Variants in SLC1A4 observed in about 807,000 individuals in gnomAD.
SLC1A4 encodes the protein solute carrier family 1 member 4.
Under a neutral mutation model 37.7 loss-of-function variants are expected in SLC1A4, and 19 were observed. The observed-to-expected ratio is 0.50, with a 90% CI of 0.35 to 0.74. The LOEUF (loss-of-function observed/expected upper bound fraction) is 0.74, where lower values mean the gene tolerates loss of function less well. SLC1A4 is among the 30% of genes least tolerant of loss of function. SLC1A4 has a pLI of 0.01. For synonymous variants in SLC1A4, 299 were observed against 309.8 expected (o/e 0.97, Z 0.37); for missense variants, 570 against 712.9 (o/e 0.80, Z 2.28).
chr2:65,013,272 C>T (rs1158517171), intron 4 of SLC1A4, among the ~76,000 whole-genome samples: 3 of 152,204 alleles, frequency 2.0e-5, no homozygotes, highest in Non-Finnish European at 4.4e-5. Context: ...GCCCAGGCTG[C>T]AGTGCAGTGG....
rs1043900174 is a variant in SLC1A4 at position 65,018,015 on chromosome 2, T to C, written c.1035-56T>C. The C allele has an allele frequency of 3.4e-6, 5 of 1,486,084 alleles. No individual in the cohort carries two copies. Among genetic ancestry groups the C allele is most frequent in the Non-Finnish European group, 4.7e-6 (5 of 1,074,650 alleles). 92.1% of individuals were successfully genotyped at this position (1,486,084 alleles called of 1,614,324 possible). A position where few individuals can be genotyped will look rare whatever the true frequency, so the allele number is the denominator to read the frequency against. ...GTTCTGGGGTCTGAGACAAGACACA[T>C]GTTAGCCTGCCTCGGACTGTTGTCA... On this transcript the variant is annotated intron_variant, in intron 5 of 7. Coordinates refer to ENST00000234256, the MANE Select transcript of SLC1A4 (RefSeq NM_003038.5). The surrounding 1 kb of genome is among the most constrained non-coding windows in gnomAD (Gnocchi z 4.3).
chr2:65,006,388 AGGCT>A (rs1673671953), intron 3 of SLC1A4, among the ~76,000 whole-genome samples: 1 of 152,168 alleles, frequency 6.6e-6, no homozygotes, highest in Non-Finnish European at 1.5e-5. Flanking sequence ...GCTACTTGGG[AGGCT>A]GAGGCAGGAG....
Position 64,989,974 on chromosome 2 carries a change from G to C in SLC1A4, c.331G>C (p.Gly111Arg). 6.3e-7 allele frequency: 1 copy of C among 1,582,436 alleles called. No individual in the cohort carries two copies. The highest frequency in any genetic ancestry group is 8.6e-7 in the Non-Finnish European group (1 of 1,164,234). The change falls in exon 1 of 8, where the codon GGG becomes CGG. Residue 111 changes from glycine (G) to arginine (R), a missense_variant. By Grantham distance (125) the Gly-to-Arg change is moderately radical (BLOSUM62 -2). Transcript: ENST00000234256. ...GAASLDASCL[G>R]RLGGIAVAYF... is the part of the protein sequence containing the mutation. ...CGCCTCGCTCGATGCCAGCTGCCTCGGGCGTCTGGGCGGCATCGCTGTCGC... is the reference window on the plus strand; with the variant it reads ...CGCCTCGCTCGATGCCAGCTGCCTCCGGCGTCTGGGCGGCATCGCTGTCGC...
At chr2:65,014,851 G>T (rs1399165660) in intron 4 of SLC1A4, among the ~76,000 whole-genome samples, 1 of 152,318 alleles carries the variant, frequency 6.6e-6, no homozygotes, top group East Asian at 1.9e-4. Context: ...CCACCAACAG[G>T]ACGATGACAA....
intron 1 of SLC1A4, among the ~76,000 whole-genome samples, chr2:64,998,315 G>A (rs1558515662): frequency 6.6e-6 from 1 of 151,796 alleles, no homozygotes; most frequent in Non-Finnish European, 1.5e-5. Flanking sequence ...CAACTATTCG[G>A]GAAGCTGAGG....
chr2:64,990,537 C>G (rs1168107221), intron 1 of SLC1A4, among the ~76,000 whole-genome samples: 1 of 152,214 alleles, frequency 6.6e-6, no homozygotes, highest in Non-Finnish European at 1.5e-5. Context: ...AGTGGCTTCG[C>G]CTCATTTTCT....
intron 3 of SLC1A4, among the ~76,000 whole-genome samples, chr2:65,009,698 T>C (rs1053694851): frequency 1.3e-5 from 2 of 152,234 alleles, no homozygotes; most frequent in African/African-American, 4.8e-5. Flanking sequence ...AAAATGTTTG[T>C]CTAATATATG....
At position 65,016,586 on chromosome 2, in the gene SLC1A4, T is replaced by C. The variant is rs766230846; in HGVS notation, c.947T>C (p.Ile316Thr). The change falls in exon 5 of 8, where the codon ATT becomes ACT. Residue 316 changes from isoleucine (I) to threonine (T), a missense_variant. Ile to Thr is a moderately conservative substitution (Grantham distance 89). Transcript: ENST00000234256. ...VIHGGIVLPL[I>T]YFVFTRKNPF... ...CATGGAGGAATTGTTCTGCCACTTA[T>C]TTATTTTGTTTTCACACGAAAAAAC... The C allele has an allele frequency of 6.2e-7, 1 of 1,614,222 alleles. No individual in the cohort carries two copies. The highest frequency in any genetic ancestry group is 8.5e-7 in the Non-Finnish European group (1 of 1,180,028).
Position 65,021,114 on chromosome 2 carries a change from C to G in SLC1A4, c.1567C>G (p.Pro523Ala). 1 of 1,614,176 alleles carries G rather than the reference C, an allele frequency of 6.2e-7. No homozygotes were observed. The highest frequency in any genetic ancestry group is 8.5e-7 in the Non-Finnish European group (1 of 1,179,988). The change falls in exon 8 of 8, where the codon CCA becomes GCA. Residue 523 changes from proline to alanine, a missense_variant. By Grantham distance (27) the Pro-to-Ala change is conservative. Transcript: ENST00000234256. Reference protein sequence around the residue: ...QNPAGPVASAPELESKESVL With the variant: ...QNPAGPVASAAELESKESVL ...CCCCGCTGGCCCCGTGGCCAGTGCC[C>G]CAGAACTGGAATCCAAGGAGTCGGT...
intron 5 of SLC1A4, among the ~76,000 whole-genome samples, chr2:65,017,540 C>G (rs190610125): frequency 6.6e-6 from 1 of 151,410 alleles, no homozygotes; most frequent in Admixed American, 6.6e-5. Flanking sequence ...CTGGCCTAGA[C>G]AAAAACCTGT....
intron 1 of SLC1A4, among the ~76,000 whole-genome samples, chr2:64,997,422 A>G (rs1673297590): frequency 6.6e-6 from 1 of 152,208 alleles, no homozygotes; most frequent in African/African-American, 2.4e-5. Context: ...CACCACCACA[A>G]TCAAGATACT....
chr2:65,022,554 G>A lies in SLC1A4; in HGVS notation c.*1408G>A, dbSNP rs903423331. On this transcript the variant is annotated 3_prime_UTR_variant, in exon 8 of 8. Transcript: ENST00000234256. ...AACCCAGTATGTTCTTCTTTTTTATGTAAGGGACAGCTTTCTCCACAGAGT... is the reference window on the plus strand; with the variant it reads ...AACCCAGTATGTTCTTCTTTTTTATATAAGGGACAGCTTTCTCCACAGAGT... The A allele has an allele frequency of 1.3e-5, 2 of 152,174 alleles. No homozygotes were observed. The highest frequency in any genetic ancestry group is 2.9e-5 in the Non-Finnish European group (2 of 68,048). The allele number at this position is 152,174 out of a possible 1,614,324, so 9.4% of individuals were successfully genotyped here. A position where few individuals can be genotyped will look rare whatever the true frequency, so the allele number is the denominator to read the frequency against.
chr2:65,021,244 A>C lies in SLC1A4; in HGVS notation c.*98A>C. 1 of 949,060 alleles carries C rather than the reference A, an allele frequency of 1.1e-6. No individual in the cohort carries two copies. Among genetic ancestry groups the C allele is most frequent in the East Asian group, 2.6e-5 (1 of 38,740 alleles). The allele number at this position is 949,060 out of a possible 1,614,324, so 58.8% of individuals were successfully genotyped here. On this transcript the variant is annotated 3_prime_UTR_variant, in exon 8 of 8. Transcript: ENST00000234256. The stretch of plus-strand genomic sequence containing the variant: ...CAGGGCACTGCCCTTGCCAACTTTT[A>C]CCCTCCCAAGCAATGCTTTGGCCCA...
upstream of SLC1A4, chr2:64,989,380 C>T (rs1315441972): frequency 2.4e-5 from 8 of 339,664 alleles, no homozygotes; most frequent in East Asian, 2.7e-4. Context: ...CGTCCGCGTT[C>T]GCGGCTCCCG....
chr2:65,012,238 C>T (rs763859258), intron 4 of SLC1A4, among the ~76,000 whole-genome samples: 7 of 151,432 alleles, frequency 4.6e-5, no homozygotes, highest in Non-Finnish European at 1.0e-4. Context: ...TACAGATGAC[C>T]GCCACCACGC....
At chr2:64,992,278 G>T (rs552216779) in intron 1 of SLC1A4, among the ~76,000 whole-genome samples, 6 of 152,168 alleles carry the variant, frequency 3.9e-5, no homozygotes, top group Non-Finnish European at 8.8e-5. Context: ...GTGGTAGGGG[G>T]TACCTCATTA....
In SLC1A4 at chr2:65,017,978, G is replaced by A. The variant is rs143055904; in HGVS notation, c.1035-93G>A. 27 of 1,019,466 alleles carry A rather than the reference G, an allele frequency of 2.6e-5. No individual in the cohort carries two copies. In the African/African-American group the frequency reaches 3.5e-4, roughly 13 times the overall value. The allele number at this position is 1,019,466 out of a possible 1,614,324, so 63.2% of individuals were successfully genotyped here. A position where few individuals can be genotyped will look rare whatever the true frequency, so the allele number is the denominator to read the frequency against. ...GAAGAAAGCCAGAAACGAAGATGGT[G>A]CTAATTGCTCTGTTCTGGGGTCTGA... On this transcript the variant is annotated intron_variant, in intron 5 of 7. Transcript: ENST00000234256.
intron 2 of SLC1A4, 129 bp downstream of exon 2, chr2:65,001,619 A>C: frequency 1.4e-6 from 1 of 712,940 alleles, no homozygotes; most frequent in Non-Finnish European, 2.4e-6. Context: ...AGATTGGCCT[A>C]AACTTTTATC....
Position 64,989,927 on chromosome 2 carries a change from T to C in SLC1A4, c.284T>C (p.Val95Ala), listed in dbSNP as rs537035902. Residue 95 changes from valine (V) to alanine (A), a missense_variant, in exon 1 of 8, where the codon GTC becomes GCC. Physicochemically the swap from Val to Ala is moderately conservative, Grantham distance 64. Transcript: ENST00000234256. ...MLRMIILPLV[V>A]CSLVSGAASL... is the part of the protein sequence containing the mutation. ...CGCATGATCATCCTGCCGCTGGTGG[T>C]CTGCAGCCTGGTGTCGGGCGCCGCC... 1.9e-6 allele frequency: 3 copies of C among 1,564,688 alleles called. No homozygotes were observed. Among genetic ancestry groups the C allele is most frequent in the African/African-American group, 2.7e-5 (2 of 74,026 alleles).
Sources: gnomAD v4.1 joint callset for allele counts (sites outside exome capture counted in the v4.1 genomes callset) on GRCh38, gnomAD v4.1.1 for gene constraint, Gnocchi (gnomAD v3.1) non-coding constraint, MANE v1.5 for transcripts, NCBI Gene and HGNC (gene_info 2026-07-23, HGNC 2026-07-21) for gene names.